IFT43: variants seen among roughly 807,000 people sequenced by gnomAD.
The protein encoded by IFT43 is intraflagellar transport 43, also known as intraflagellar transport protein 43 homolog.
IFT43 carries 33 observed loss-of-function variants against 32.3 expected under a neutral mutation model. The ratio of observed to expected loss-of-function variants is 1.02; its 90% CI spans 0.77 to 1.37. The LOEUF (loss-of-function observed/expected upper bound fraction) is 1.37, where lower values mean the gene tolerates loss of function less well. IFT43 is among the 40% of genes most tolerant of loss of function. IFT43 has a pLI of 0.00. For missense variants in IFT43, 274 were observed against 265.9 expected, an observed-to-expected ratio of 1.03 and a Z score of -0.21; for synonymous variants, 93 against 98.2, an observed-to-expected ratio of 0.95 and a Z score of 0.31.
chr14:76,059,819 C>T (rs2037096911), intron 5 of IFT43, among the ~76,000 whole-genome samples: 1 of 152,206 alleles, frequency 6.6e-6, no homozygotes, highest in Admixed American at 6.5e-5. Context: ...ACTATTATCC[C>T]CATTTTACAG....
chr14:76,049,645 T>TG (rs1286140987), intron 3 of IFT43, among the ~76,000 whole-genome samples: 1 of 152,174 alleles, frequency 6.6e-6, no homozygotes, highest in Non-Finnish European at 1.5e-5. Flanking sequence ...GGCAGACATT[T>TG]GGGGAACACT....
intron 3 of IFT43, among the ~76,000 whole-genome samples, chr14:76,037,362 A>G (rs550296659): frequency 2.0e-5 from 3 of 152,262 alleles, no homozygotes; most frequent in South Asian, 2.1e-4. Flanking sequence ...TCCACTTTAT[A>G]GCGCCCATCA....
chr14:76,025,562 C>T (rs2036375198), intron 3 of IFT43, among the ~76,000 whole-genome samples: 1 of 152,124 alleles, frequency 6.6e-6, no homozygotes, highest in African/African-American at 2.4e-5. Flanking sequence ...AACTATACTA[C>T]AGGGCTACAG....
At chr14:76,059,605 C>A in intron 5 of IFT43, 1 of 538,424 alleles carries the variant, frequency 1.9e-6, no homozygotes, top group Non-Finnish European at 3.4e-6. Context: ...TCAGCCAAAG[C>A]ATCACTTCCC....
intron 5 of IFT43, among the ~76,000 whole-genome samples, chr14:76,075,564 A>T (rs2037398507): frequency 6.6e-6 from 1 of 152,264 alleles, no homozygotes; most frequent in East Asian, 1.9e-4. Context: ...GTATTTGGTT[A>T]CTGGAGCGTT....
chr14:76,035,550 C>T (rs1299043565), intron 3 of IFT43, among the ~76,000 whole-genome samples: 3 of 152,160 alleles, frequency 2.0e-5, no homozygotes, highest in Non-Finnish European at 4.4e-5. Context: ...AATCTTTTTG[C>T]TTCCCTTTAG....
chr14:76,042,092 T>C (rs545475370), intron 3 of IFT43, among the ~76,000 whole-genome samples: 15 of 149,306 alleles, frequency 1.0e-4, no homozygotes, highest in Admixed American at 2.0e-4. Flanking sequence ...CCAGTCCTTG[T>C]GTTGTATGGA....
intron 3 of IFT43, among the ~76,000 whole-genome samples, chr14:76,045,574 C>T (rs1452319119): frequency 1.3e-5 from 2 of 152,212 alleles, no homozygotes; most frequent in Non-Finnish European, 2.9e-5. Context: ...GGGCTGTAGG[C>T]ACCCCCAGAG....
At chr14:76,067,306 C>G (rs1322242603) in intron 5 of IFT43, among the ~76,000 whole-genome samples, 1 of 152,120 alleles carries the variant, frequency 6.6e-6, no homozygotes, top group African/African-American at 2.4e-5. Flanking sequence ...TGGCTCACGC[C>G]TGTAATCTCA....
chr14:76,002,369 G>C (rs966241462), intron 2 of IFT43, among the ~76,000 whole-genome samples: 1 of 152,104 alleles, frequency 6.6e-6, no homozygotes, highest in Non-Finnish European at 1.5e-5. Flanking sequence ...AAAGGTAAGG[G>C]GGGGGGTGGC....
rs554292531 is a variant in IFT43 at position 76,012,586 on chromosome 14, G to A, written c.148-9741G>A. 2.0e-5 allele frequency among the ~76,000 whole-genome samples: 3 copies of A among 152,272 alleles called. No homozygotes were observed. In the East Asian group the frequency reaches 5.8e-4, roughly 29 times the overall value. Reference sequence around the variant, plus strand: ...AACACATTTTTGCTGCTTTTCAGGAGCTATGCAGGGTCCTGCCCCCTCCGT... The same window carrying A: ...AACACATTTTTGCTGCTTTTCAGGAACTATGCAGGGTCCTGCCCCCTCCGT... On this transcript the variant is annotated intron_variant, in intron 2 of 8. Coordinates refer to ENST00000314067, the MANE Select transcript of IFT43 (RefSeq NM_001102564.3).
At chr14:76,011,645 C>T (rs1414587127) in intron 2 of IFT43, among the ~76,000 whole-genome samples, 1 of 152,186 alleles carries the variant, frequency 6.6e-6, no homozygotes, top group South Asian at 2.1e-4. Context: ...GATCAGCTTT[C>T]TTTCTTATAC....
intron 3 of IFT43, among the ~76,000 whole-genome samples, chr14:76,052,136 T>G (rs1467852965): frequency 6.6e-6 from 1 of 152,072 alleles, no homozygotes. Context: ...TCAAGGACGC[T>G]TCCCCCCATT....
chr14:76,004,740 TCTTTTGTC>T (rs1258263767), intron 2 of IFT43, among the ~76,000 whole-genome samples: 2 of 152,216 alleles, frequency 1.3e-5, no homozygotes, highest in Non-Finnish European at 2.9e-5. Context: ...TTTTTTCCTA[TCTTTTGTC>T]CTTTTGTCCT....
intron 2 of IFT43, among the ~76,000 whole-genome samples, chr14:75,999,281 A>ATTTTTTTTTT (rs371670856): frequency 1.3e-4 from 5 of 39,058 alleles, no homozygotes; most frequent in South Asian, 9.4e-4. Flanking sequence ...ATGTATATAT[A>ATTTTTTTTTT]TTTTTTTTTT....
chr14:76,022,205 C>T (rs1230636415), intron 2 of IFT43, 122 bp from the exon 3 acceptor site: 21 of 792,198 alleles, frequency 2.7e-5, no homozygotes, highest in South Asian at 1.4e-4. Flanking sequence ...GAGCTGAGGT[C>T]GCACCACTGC....
chr14:76,082,514 G>A (rs564053453), intron 6 of IFT43, 103 bp from the exon 7 acceptor site: 23 of 1,404,066 alleles, frequency 1.6e-5, no homozygotes, highest in Non-Finnish European at 2.2e-5. Flanking sequence ...TCCCATTCTG[G>A]TCATCCCCTG....
At chr14:76,013,951 A>C (rs550375102) in intron 2 of IFT43, 1 of 238,772 alleles carries the variant, frequency 4.2e-6, no homozygotes, top group African/African-American at 2.3e-5. Context: ...GCAAGTAATT[A>C]GTGCTGAAAA....
At chr14:76,082,781 A>G (rs1043778568) in intron 7 of IFT43, 89 bp downstream of exon 7, 1 of 1,000,090 alleles carries the variant, frequency 1.0e-6, no homozygotes, top group Admixed American at 1.7e-5. Flanking sequence ...CAAGCTATAC[A>G]GCGCCTCCAC....
Sources: gnomAD v4.1 joint callset for allele counts (sites outside exome capture counted in the v4.1 genomes callset) on GRCh38, gnomAD v4.1.1 for gene constraint, MANE v1.5 for transcripts, NCBI Gene and HGNC (gene_info 2026-07-23, HGNC 2026-07-21) for gene names.